The following FAM83F variants were observed in gnomAD, a reference collection of about 807,000 sequenced individuals.
FAM83F encodes protein FAM83F.
A neutral mutation model predicts 42.9 loss-of-function variants in FAM83F; 45 were observed. The ratio of observed to expected loss-of-function variants is 1.05; its 90% confidence interval spans 0.83 to 1.35. The LOEUF (loss-of-function observed/expected upper bound fraction) is 1.35, where lower values mean the gene tolerates loss of function less well. Ranked by LOEUF, FAM83F falls within the 40% of genes most tolerant of loss-of-function variation. The pLI, the probability that FAM83F is intolerant of heterozygous loss-of-function variation, is 0.00. For synonymous variants in FAM83F, 306 were observed against 298.3 expected (o/e 1.03, Z -0.27); for missense variants, 617 against 695.9 (o/e 0.89, Z 1.28).
chr22:40,025,759 G>A lies in FAM83F; in HGVS notation c.1454-3757G>A, dbSNP rs182837342. On this transcript the variant is annotated intron_variant, in intron 4 of 4. Transcript: ENST00000333407. ...AAATAAAATCCAACAAATAGAGTCT[G>A]TACCACTGGGCAGGGCTTAGGAATC... Among the ~76,000 whole-genome samples, 79 of 152,236 alleles carry A rather than the reference G, an allele frequency of 5.2e-4. 2 individuals are homozygous for A. The highest frequency in any genetic ancestry group is 2.6e-4 in the Non-Finnish European group (18 of 68,006).
chr22:40,041,472 A>G lies in FAM83F; in HGVS notation c.*11907A>G, dbSNP rs2067650025. ...CTACAGGGCAGACGCCCTCACCCCAATCATTGGCTTAACATTCACACCAGG... is the reference window on the plus strand; with the variant it reads ...CTACAGGGCAGACGCCCTCACCCCAGTCATTGGCTTAACATTCACACCAGG... On this transcript the variant is annotated 3_prime_UTR_variant, in exon 5 of 5. Coordinates refer to ENST00000333407, the MANE Select transcript of FAM83F (RefSeq NM_138435.4). The G allele has an allele frequency of 6.6e-6, 1 of 152,138 alleles. No individual in the cohort carries two copies. The highest frequency in any genetic ancestry group is 2.4e-5 in the African/African-American group (1 of 41,442). 9.4% of individuals were successfully genotyped at this position (152,138 alleles called of 1,614,324 possible).
At chr22:40,029,080 CGTGTGTGTGTGT>C (rs55770640) in intron 4 of FAM83F, among the ~76,000 whole-genome samples, 2,299 of 130,592 alleles carry the variant, frequency 0.018, 66 homozygotes, top group East Asian at 0.13. Context: ...CTTGGCTAGA[CGTGTGTGTGTGT>C]GTGTGTGTGT....
chr22:39,997,732 G>C (rs946306364), intron 1 of FAM83F, among the ~76,000 whole-genome samples: 2 of 152,158 alleles, frequency 1.3e-5, no homozygotes, highest in Non-Finnish European at 2.9e-5. Flanking sequence ...GAGCTGTCGT[G>C]GGGGGAGGTG....
rs1417249367 is a variant in FAM83F, at chr22:40,029,078, GACGTGTGTGTGTGT to G, written c.1454-437_1454-424del. 2.3e-3 allele frequency among the ~76,000 whole-genome samples: 307 copies of G among 135,342 alleles called. 3 individuals are homozygous for G. Among genetic ancestry groups the G allele is most frequent in the African/African-American group, 8.0e-3 (284 of 35,484 alleles). 88.8% of individuals were successfully genotyped at this position (135,342 alleles called of 152,430 possible). ...CTGGTAGTGAGCGGCCTCTTGGCTA[GACGTGTGTGTGTGT>G]GTGTGTGTGTGTGTGTGTGTGTGTG... On this transcript the variant is annotated intron_variant, in intron 4 of 4. Transcript: ENST00000333407.
intron 4 of FAM83F, 52 bp from the exon 5 acceptor site, chr22:40,029,464 C>T: frequency 6.3e-7 from 1 of 1,575,390 alleles, no homozygotes; most frequent in Non-Finnish European, 8.6e-7. Flanking sequence ...AAGCTGAATC[C>T]ACCAAGCGTT....
At chr22:40,012,812 G>A (rs1471915516) in intron 1 of FAM83F, among the ~76,000 whole-genome samples, 6 of 148,238 alleles carry the variant, frequency 4.0e-5, no homozygotes, top group Non-Finnish European at 4.5e-5. Context: ...GGTGGCTCAC[G>A]CCTATAATCC....
In FAM83F at chr22:40,030,212, A is replaced by G. The variant is rs944777841; in HGVS notation, c.*647A>G. On this transcript the variant is annotated 3_prime_UTR_variant, in exon 5 of 5. Transcript: ENST00000333407. ...TCCCGCAGTGGGGGCAGAATTTGAC[A>G]CTGCTTTTCTGAGAGCGCTCGCACT... The G allele has an allele frequency of 1.3e-5, 2 of 152,008 alleles. No homozygotes were observed. Among genetic ancestry groups the G allele is most frequent in the African/African-American group, 4.8e-5 (2 of 41,302 alleles). The allele number at this position is 152,008 out of a possible 1,614,324, so 9.4% of individuals were successfully genotyped here.
At chr22:40,019,384 CT>C (rs2067507851) in intron 2 of FAM83F, 49 bp downstream of exon 2, 1 of 1,571,824 alleles carries the variant, frequency 6.4e-7, no homozygotes, top group African/African-American at 1.3e-5. Context: ...GAGACAGAGA[CT>C]ACCTCTGCCC....
chr22:40,021,719 G>C lies in FAM83F; in HGVS notation c.1209G>C (p.Met403Ile), dbSNP rs773054785. The stretch of plus-strand genomic sequence containing the variant: ...AGCTGAGCCAGAAGGATGGCAGGAT[G>C]GTCTCTCACATGCACAGAGACCTGA... ...LGELSQKDGR[M>I]VSHMHRDLKP... Residue 403 changes from methionine to isoleucine, a missense_variant, in exon 4 of 5, where the codon ATG becomes ATC. Transcript: ENST00000333407. The surrounding 1 kb of genome is among the most constrained non-coding windows in gnomAD (Gnocchi z 8.7). The C allele has an allele frequency of 2.9e-5, 47 of 1,612,958 alleles. No homozygotes were observed. Among genetic ancestry groups the C allele is most frequent in the Non-Finnish European group, 3.8e-5 (45 of 1,179,882 alleles).
In FAM83F at chr22:40,039,847, TG is replaced by T. The variant is rs2067643688; in HGVS notation, c.*10284del. 1 of 152,258 alleles carries T rather than the reference TG, an allele frequency of 6.6e-6. No homozygotes were observed. The highest frequency in any genetic ancestry group is 1.9e-4 in the East Asian group (1 of 5,200). The allele number at this position is 152,258 out of a possible 1,614,324, so 9.4% of individuals were successfully genotyped here. ...GGAAACAAGGACTGAGAAAGTCTCTTGGATCTTGGCCACAAAAAGGTTATAG... is the reference window on the plus strand; with the variant it reads ...GGAAACAAGGACTGAGAAAGTCTCTTGATCTTGGCCACAAAAAGGTTATAG... On this transcript the variant is annotated 3_prime_UTR_variant, in exon 5 of 5. Transcript: ENST00000333407.
chr22:40,025,884 G>T (rs1404140843), intron 4 of FAM83F, among the ~76,000 whole-genome samples: 1 of 152,182 alleles, frequency 6.6e-6, no homozygotes, highest in Non-Finnish European at 1.5e-5. Flanking sequence ...CACAGATGAG[G>T]CCCTGCCCTT....
intron 3 of FAM83F, among the ~76,000 whole-genome samples, chr22:40,020,980 A>T (rs181559307): frequency 2.5e-4 from 38 of 152,364 alleles, no homozygotes; most frequent in Admixed American, 2.4e-3. Flanking sequence ...GCCTCACAAC[A>T]ACCCTGTGAA....
chr22:40,024,195 C>A (rs1401527518), intron 4 of FAM83F, among the ~76,000 whole-genome samples: 1 of 152,130 alleles, frequency 6.6e-6, no homozygotes, highest in Non-Finnish European at 1.5e-5. Flanking sequence ...TAGACAGGGT[C>A]TCATCATGTT....
rs2067366129 is a variant in FAM83F at position 39,995,076 on chromosome 22, G to A, written c.34G>A (p.Ala12Thr). The change falls in exon 1 of 5, where the codon GCG (alanine) becomes ACG (threonine). Residue 12 changes from alanine to threonine, a missense_variant. Ala to Thr is a moderately conservative substitution (Grantham distance 58, BLOSUM62 0). Coordinates refer to ENST00000333407, the MANE Select transcript of FAM83F (RefSeq NM_138435.4). The surrounding 1 kb of genome is among the most constrained non-coding windows in gnomAD (Gnocchi z 4.6). Reference sequence around the variant, plus strand: ...GTCCCAGCTGAACTGCCTGGACGAGGCGCACGTGAACGAGAAGGTGACCGA... The same window carrying A: ...GTCCCAGCTGAACTGCCTGGACGAGACGCACGTGAACGAGAAGGTGACCGA... ...AESQLNCLDE[A>T]HVNEKVTEAQ... 1 of 1,346,744 alleles carries A rather than the reference G, an allele frequency of 7.4e-7. No individual in the cohort carries two copies. The highest frequency in any genetic ancestry group is 9.5e-7 in the Non-Finnish European group (1 of 1,056,712). 83.4% of individuals were successfully genotyped at this position (1,346,744 alleles called of 1,614,324 possible).
intron 1 of FAM83F, among the ~76,000 whole-genome samples, chr22:40,015,739 A>C (rs1297470961): frequency 6.6e-6 from 1 of 152,206 alleles, no homozygotes; most frequent in East Asian, 1.9e-4. Context: ...CCTGGCTAGA[A>C]GTAATCTCTC....
chr22:39,998,919 C>T (rs1241243387), intron 1 of FAM83F: 3 of 152,162 alleles, frequency 2.0e-5, no homozygotes, highest in Non-Finnish European at 4.4e-5. Flanking sequence ...CCGGAGTGGA[C>T]TTACAGCAAG....
At chr22:40,004,245 A>G (rs2067416117) in intron 1 of FAM83F, among the ~76,000 whole-genome samples, 1 of 133,256 alleles carries the variant, frequency 7.5e-6, no homozygotes, top group African/African-American at 2.7e-5. Flanking sequence ...TATAAGTGCT[A>G]GGCAAATGCC....
Position 40,021,524 on chromosome 22 carries a change from G to A in FAM83F, c.1014G>A (p.Gly338=), listed in dbSNP as rs1470507663. 27 of 1,574,816 alleles carry A rather than the reference G, an allele frequency of 1.7e-5. No individual in the cohort carries two copies. The highest frequency in any genetic ancestry group is 2.3e-5 in the Non-Finnish European group (27 of 1,155,172). ...TGTCAGGCTGCCGCCACCCGCCTGGGGAGATGATGCGCTGGGCTGCCCGGC... is the reference window on the plus strand; with the variant it reads ...TGTCAGGCTGCCGCCACCCGCCTGGAGAGATGATGCGCTGGGCTGCCCGGC... The part of the protein sequence containing the change: ...ALVSGCRHPP[G]EMMRWAARQQ... Residue 338 remains glycine (G), a synonymous_variant, in exon 4 of 5, where the codon GGG becomes GGA. Transcript: ENST00000333407. This position sits in a 1 kb window ranked among gnomAD's most constrained non-coding sequence, Gnocchi z 8.7.
At chr22:40,022,637 C>A (rs999982430) in intron 4 of FAM83F, among the ~76,000 whole-genome samples, 24 of 152,172 alleles carry the variant, frequency 1.6e-4, no homozygotes, top group African/African-American at 5.6e-4. Context: ...TCTCTGGGAT[C>A]CCCAGGAGGC....
Sources: allele counts gnomAD v4.1 joint callset (sites outside exome capture counted in the v4.1 genomes callset), GRCh38; gene constraint gnomAD v4.1.1; non-coding constraint Gnocchi (gnomAD v3.1); transcripts MANE v1.5; gene names NCBI Gene and HGNC (gene_info 2026-07-23, HGNC 2026-07-21).